NEBL: variants seen among roughly 807,000 people sequenced by gnomAD.
NEBL encodes nebulette.
NEBL carries 122 observed loss-of-function variants against 140.2 expected under a neutral mutation model. The observed-to-expected ratio is 0.87, with a 90% confidence interval of 0.75 to 1.01. The LOEUF is 1.01. NEBL is among the 50% of genes least tolerant of loss of function. The pLI is 0.00. For missense variants in NEBL, 1,365 were observed against 1,231.3 expected, an observed-to-expected ratio of 1.11 and a Z score of -1.62; for synonymous variants, 436 against 398.9, an observed-to-expected ratio of 1.09 and a Z score of -1.11.
intron 3 of NEBL, among the ~76,000 whole-genome samples, chr10:21,211,043 T>C (rs1440786976): frequency 6.6e-6 from 1 of 152,220 alleles, no homozygotes; most frequent in Non-Finnish European, 1.5e-5. Flanking sequence ...AGTCACGTTT[T>C]CTTTGACATG....
Position 20,800,638 on chromosome 10 carries a change from T to C in NEBL, c.2761+7872A>G, listed in dbSNP as rs139852813. Reference sequence around the variant, plus strand: ...AGGAGTGTATTTTCTAATAGGTTTTTCTGGTTATCTAATTTCAGTGTTTCT... The same window carrying C: ...AGGAGTGTATTTTCTAATAGGTTTTCCTGGTTATCTAATTTCAGTGTTTCT... On this transcript the variant is annotated intron_variant, in intron 26 of 27. Coordinates refer to ENST00000377122, the MANE Select transcript of NEBL (RefSeq NM_006393.3). 3.3e-5 allele frequency among the ~76,000 whole-genome samples: 5 copies of C among 152,292 alleles called. No individual in the cohort carries two copies. In the East Asian group the frequency reaches 9.7e-4, roughly 29 times the overall value.
chr10:20,859,895 TA>T, intron 7 of NEBL, 69 bp from the exon 8 acceptor site: 1 of 757,778 alleles, frequency 1.3e-6, no homozygotes, highest in East Asian at 2.8e-5. Context: ...TTCACGTAGA[TA>T]AAATAAAAGC....
At chr10:20,831,330 A>T in intron 15 of NEBL, 24 bp from the exon 16 acceptor site, 1 of 1,580,278 alleles carries the variant, frequency 6.3e-7, no homozygotes, top group Non-Finnish European at 8.7e-7. Flanking sequence ...AAATAATCTT[A>T]GAGCTTTGCT....
intron 2 of NEBL, among the ~76,000 whole-genome samples, chr10:21,073,487 C>T (rs765261556): frequency 1.7e-4 from 26 of 151,490 alleles, no homozygotes; most frequent in South Asian, 1.7e-3. Context: ...CTTGGTGGCA[C>T]GCACTTGTAA....
chr10:20,951,469 C>T (rs1389986956), intron 4 of NEBL, among the ~76,000 whole-genome samples: 2 of 147,312 alleles, frequency 1.4e-5, no homozygotes, highest in Non-Finnish European at 3.0e-5. Flanking sequence ...AGCATAGTTG[C>T]ATACTTAAAA....
At chr10:20,904,157 C>A (rs1420798723) in intron 4 of NEBL, among the ~76,000 whole-genome samples, 1 of 152,150 alleles carries the variant, frequency 6.6e-6, no homozygotes, top group Admixed American at 6.5e-5. Context: ...TATTTCCAGA[C>A]CTTAGTAACT....
intron 3 of NEBL, among the ~76,000 whole-genome samples, chr10:21,236,205 T>C (rs977090476): frequency 6.6e-6 from 1 of 152,196 alleles, no homozygotes; most frequent in African/African-American, 2.4e-5. Flanking sequence ...AATCTTAGCA[T>C]GGTTAGCAGT....
At position 20,840,755 on chromosome 10, in the gene NEBL, G is replaced by C. The variant is rs1841337096; in HGVS notation, c.1322C>G (p.Ser441Cys). The C allele has an allele frequency of 6.2e-7, 1 of 1,609,956 alleles. No homozygotes were observed. The highest frequency in any genetic ancestry group is 8.5e-7 in the Non-Finnish European group (1 of 1,176,728). ...VLDIQRAKRA[S>C]EMASEKEYKK... ...CATACTCACCTCACTTGCCATTTCAGAGGCTCGCTTTGCTCTTTGGATATC... is the reference window on the plus strand; with the variant it reads ...CATACTCACCTCACTTGCCATTTCACAGGCTCGCTTTGCTCTTTGGATATC... The change falls in exon 13 of 28, where the codon TCT (serine) becomes TGT (cysteine). Residue 441 changes from serine (S) to cysteine (C), a missense_variant. This residue lies in a region of NEBL where 1,323 missense variants were observed against 1,154.8 expected (regional missense o/e 1.15). Coordinates refer to ENST00000377122, the MANE Select transcript of NEBL (RefSeq NM_006393.3).
chr10:21,006,076 A>C (rs1008317006), intron 3 of NEBL, among the ~76,000 whole-genome samples: 1 of 152,158 alleles, frequency 6.6e-6, no homozygotes, highest in African/African-American at 2.4e-5. Flanking sequence ...GCAACACTTC[A>C]CAGGCATACC....
At chr10:20,829,288 G>C (rs866223163) in intron 16 of NEBL, among the ~76,000 whole-genome samples, 1 of 151,998 alleles carries the variant, frequency 6.6e-6, no homozygotes, top group African/African-American at 2.4e-5. Context: ...CCTTTGTAGG[G>C]ACATGGATGA....
intron 16 of NEBL, among the ~76,000 whole-genome samples, chr10:20,830,570 C>T (rs1840303067): frequency 6.6e-6 from 1 of 152,114 alleles, no homozygotes; most frequent in African/African-American, 2.4e-5. Context: ...TTTTACCTAA[C>T]ACTAAACTTC....
At chr10:21,097,172 G>T (rs967526845) in intron 2 of NEBL, among the ~76,000 whole-genome samples, 1 of 149,730 alleles carries the variant, frequency 6.7e-6, no homozygotes, top group Admixed American at 6.7e-5. Context: ...TCAATATCCG[G>T]CCAGGTGCGG....
chr10:20,869,721 G>A lies in NEBL; in HGVS notation c.582+19C>T, dbSNP rs768312782. 1.9e-6 allele frequency: 3 copies of A among 1,541,158 alleles called. No individual in the cohort carries two copies. The highest frequency in any genetic ancestry group is 2.2e-5 in the South Asian group (2 of 89,592). The stretch of plus-strand genomic sequence containing the variant: ...AAGTAAGAAATCATTTCCGTTCAAG[G>A]TTTAGAAAGAGAAGTTACATTGCTT... On this transcript the variant is annotated intron_variant, in intron 6 of 27. Coordinates refer to ENST00000377122, the MANE Select transcript of NEBL (RefSeq NM_006393.3).
chr10:21,183,364 C>T (rs1013470956), intron 3 of NEBL, among the ~76,000 whole-genome samples: 10 of 151,920 alleles, frequency 6.6e-5, no homozygotes, highest in Admixed American at 2.0e-4. Context: ...AGGGGAGAGC[C>T]GCAACCACAG....
rs139362605 is a variant in NEBL at position 20,872,746 on chromosome 10, G to A, written c.481-2905C>T. ...AACCCACCAAAACCAAGATGGCGAC[G>A]AGAGTGACCTCTGGTCATCCTCAGT... is the stretch of plus-strand genomic sequence containing the variant. On this transcript the variant is annotated intron_variant, in intron 5 of 27. Transcript: ENST00000377122. Among the ~76,000 whole-genome samples, 356 of 152,274 alleles carry A rather than the reference G, an allele frequency of 2.3e-3. 2 individuals carry two copies. Among genetic ancestry groups the A allele is most frequent in the African/African-American group, 8.2e-3 (342 of 41,554 alleles).
At chr10:20,859,510 A>G (rs529141948) in intron 8 of NEBL, among the ~76,000 whole-genome samples, 3 of 152,182 alleles carry the variant, frequency 2.0e-5, no homozygotes, top group East Asian at 3.9e-4. Context: ...CACTATTCCT[A>G]CTTATTAACT....
At chr10:20,840,687 A>G in intron 13 of NEBL, 52 bp downstream of exon 13, 6 of 1,240,318 alleles carry the variant, frequency 4.8e-6, no homozygotes, top group Non-Finnish European at 7.1e-6. Flanking sequence ...TTGACAAATA[A>G]GAAAGTCAGC....
At chr10:21,236,595 C>T (rs985798061) in intron 3 of NEBL, among the ~76,000 whole-genome samples, 17 of 152,084 alleles carry the variant, frequency 1.1e-4, no homozygotes, top group African/African-American at 3.4e-4. Context: ...GTGATCTGCC[C>T]GCCTTGGCCT....
intron 2 of NEBL, among the ~76,000 whole-genome samples, chr10:21,056,624 A>G (rs1589184550): frequency 2.0e-5 from 3 of 152,236 alleles, no homozygotes; most frequent in Admixed American, 2.0e-4. Flanking sequence ...ACTCTTGCAC[A>G]TGTACACCCA....
Sources: allele counts gnomAD v4.1 joint callset (sites outside exome capture counted in the v4.1 genomes callset), GRCh38; gene constraint gnomAD v4.1.1; regional missense constraint gnomAD v4.1.1; transcripts MANE v1.5; gene names NCBI Gene and HGNC (gene_info 2026-07-23, HGNC 2026-07-21).